The following TCF20 variants were observed in gnomAD, a reference collection of about 807,000 sequenced individuals.
TCF20 encodes the protein transcription factor 20.
TCF20 carries 3 observed loss-of-function variants against 148.6 expected under a neutral mutation model. The ratio of observed to expected loss-of-function variants is 0.02; its 90% CI spans 0.01 to 0.05. TCF20 has a LOEUF of 0.05. Among genes scored for constraint, TCF20 ranks in the 10% least tolerant of loss-of-function variants. TCF20 has a pLI of 1.00. For synonymous variants in TCF20, 1,049 were observed against 909.5 expected, an observed-to-expected ratio of 1.15 and a Z score of -2.76; for missense variants, 2,350 against 2,429.3, an observed-to-expected ratio of 0.97 and a Z score of 0.69.
intron 1 of TCF20, among the ~76,000 whole-genome samples, chr22:42,223,538 A>C (rs1233998142): frequency 6.6e-6 from 1 of 151,780 alleles, no homozygotes; most frequent in Non-Finnish European, 1.5e-5. Context: ...CCTTACCATG[A>C]TCTAAGAAAT....
chr22:42,246,684 T>C (rs1924936809), intron 1 of TCF20, among the ~76,000 whole-genome samples: 2 of 152,176 alleles, frequency 1.3e-5, no homozygotes, highest in Non-Finnish European at 2.9e-5. Flanking sequence ...AAAGGTATAA[T>C]AGGCTGGGCA....
At chr22:42,168,969 G>T (rs1935958052) in intron 4 of TCF20, among the ~76,000 whole-genome samples, 1 of 151,928 alleles carries the variant, frequency 6.6e-6, no homozygotes, top group African/African-American at 2.4e-5. Flanking sequence ...GAGAATATAA[G>T]ATCCTGTGAC....
chr22:42,314,261 G>C (rs1927589969), intron 1 of TCF20, among the ~76,000 whole-genome samples: 1 of 152,388 alleles, frequency 6.6e-6, no homozygotes, highest in East Asian at 1.9e-4. Context: ...TTCCGGATGT[G>C]TGCTCTGGGG....
rs1476125828 is a variant in TCF20 at position 42,213,143 on chromosome 22, G to A, written c.2163C>T (p.Val721=). ...CTGTAGGATACTGAGGAAAGCCACT[G>A]ACATTTCGTGGCACGGCTGACCCGA... The part of the protein sequence containing the change: ...DSFGSAVPRN[V]SGFPQYPTGQ... The change falls in exon 2 of 6, where the codon GTC becomes GTT. Residue 721 remains valine, a synonymous_variant. Transcript: ENST00000677622. 4 of 1,614,024 alleles carry A rather than the reference G, an allele frequency of 2.5e-6. No individual in the cohort carries two copies. Among genetic ancestry groups the A allele is most frequent in the East Asian group, 2.2e-5 (1 of 44,896 alleles).
At chr22:42,294,430 G>A (rs564399536) in intron 1 of TCF20, among the ~76,000 whole-genome samples, 1 of 152,164 alleles carries the variant, frequency 6.6e-6, no homozygotes, top group Admixed American at 6.5e-5. Context: ...CTCCAGGAGC[G>A]GGAGGGAGGC....
chr22:42,322,196 G>A (rs1176265774), intron 1 of TCF20, among the ~76,000 whole-genome samples: 1 of 151,882 alleles, frequency 6.6e-6, no homozygotes, highest in African/African-American at 2.4e-5. Flanking sequence ...AAGGGAGGCA[G>A]AGAATAAAGA....
chr22:42,188,408 C>T (rs538702231), intron 2 of TCF20, among the ~76,000 whole-genome samples: 1 of 150,786 alleles, frequency 6.6e-6, no homozygotes, highest in Admixed American at 6.6e-5. Flanking sequence ...AGTAAAAACA[C>T]CAGACCCATG....
At chr22:42,284,145 G>T (rs770426078), upstream of TCF20, among the ~76,000 whole-genome samples, 38 of 152,126 alleles carry the variant, frequency 2.5e-4, no homozygotes, top group Non-Finnish European at 5.1e-4. Context: ...AGGAGGGAGG[G>T]GAGCACCCGA....
chr22:42,339,332 T>C (rs1008978107), intron 1 of TCF20, among the ~76,000 whole-genome samples: 1 of 152,232 alleles, frequency 6.6e-6, no homozygotes, highest in African/African-American at 2.4e-5. Context: ...TGGACAGATC[T>C]AGAGCCAGGA....
At chr22:42,281,166 T>G (rs945347308) in intron 1 of TCF20, among the ~76,000 whole-genome samples, 14 of 152,124 alleles carry the variant, frequency 9.2e-5, no homozygotes, top group African/African-American at 3.1e-4. Flanking sequence ...CAGCTCAGAA[T>G]GTGGCCTGGG....
At position 42,279,413 on chromosome 22, in the gene TCF20, G is replaced by A. The variant is rs1926851688; in HGVS notation, c.-37+4414C>T. ...AATCACTTGAACCTGGGAGGCAGAG[G>A]TTGCAGTGAGCAGAGATTGCGCCAC... On this transcript the variant is annotated intron_variant, in intron 1 of 5. Transcript: ENST00000359486. This position sits in a 1 kb window ranked among gnomAD's most constrained non-coding sequence, Gnocchi z 4.3. Among the ~76,000 whole-genome samples the A allele has an allele frequency of 1.3e-5, 2 of 152,158 alleles. No individual in the cohort carries two copies. Among genetic ancestry groups the A allele is most frequent in the Non-Finnish European group, 2.9e-5 (2 of 68,020 alleles).
chr22:42,211,123 C>G lies in TCF20; in HGVS notation c.4183G>C (p.Gly1395Arg). 1 of 1,614,204 alleles carries G rather than the reference C, an allele frequency of 6.2e-7. No homozygotes were observed. The highest frequency in any genetic ancestry group is 8.5e-7 in the Non-Finnish European group (1 of 1,180,036). ...GCATCCTGAACAGCAACACTCCCAC[C>G]TTCAGGAGGACCACTCTTCAAAGAC... Reference protein sequence around the residue: ...ILSLKSGPPEGGSVAVQDADI... With the variant: ...ILSLKSGPPERGSVAVQDADI... The change falls in exon 2 of 6, where the codon GGT becomes CGT. Residue 1395 changes from glycine to arginine, a missense_variant. This residue lies in a region of TCF20 where 231 missense variants were observed against 213.7 expected (regional missense o/e 1.08). Coordinates refer to ENST00000677622, the MANE Select transcript of TCF20 (RefSeq NM_001378418.1).
rs1356319222 is a variant in TCF20, at chr22:42,181,159, G to A, written c.5656-1457C>T. Among the ~76,000 whole-genome samples the A allele has an allele frequency of 2.6e-5, 4 of 152,136 alleles. No individual in the cohort carries two copies. The South Asian group carries it at 6.2e-4, about 24-fold the overall frequency. ...GAGAAGGGAGTGTGGGTAGTCCATCGGTGGCCAACCTGCAGCCATGTCTGC... is the reference window on the plus strand; with the variant it reads ...GAGAAGGGAGTGTGGGTAGTCCATCAGTGGCCAACCTGCAGCCATGTCTGC... On this transcript the variant is annotated intron_variant, in intron 2 of 5. Coordinates refer to ENST00000677622, the MANE Select transcript of TCF20 (RefSeq NM_001378418.1).
intron 1 of TCF20, among the ~76,000 whole-genome samples, chr22:42,240,803 C>T (rs1250767739): frequency 6.6e-6 from 1 of 152,102 alleles, no homozygotes; most frequent in Non-Finnish European, 1.5e-5. Flanking sequence ...TAAGCCCTCC[C>T]ATGGACTCAG....
At chr22:42,173,463 G>A (rs1395874345) in intron 3 of TCF20, among the ~76,000 whole-genome samples, 1 of 152,052 alleles carries the variant, frequency 6.6e-6, no homozygotes, top group Non-Finnish European at 1.5e-5. Flanking sequence ...AGTCTTCCCT[G>A]AGACATCAAC....
At chr22:42,232,820 A>C (rs1025938839) in intron 1 of TCF20, among the ~76,000 whole-genome samples, 7 of 151,938 alleles carry the variant, frequency 4.6e-5, no homozygotes, top group African/African-American at 1.7e-4. Context: ...AAAAAAAAAA[A>C]AACTAGTTTG....
At chr22:42,191,092 A>G (rs1442928483) in intron 2 of TCF20, among the ~76,000 whole-genome samples, 1 of 152,206 alleles carries the variant, frequency 6.6e-6, no homozygotes, top group African/African-American at 2.4e-5. Flanking sequence ...AGTTAAATCC[A>G]ATCTATGTCC....
At chr22:42,227,545 T>G (rs1483184847) in intron 1 of TCF20, among the ~76,000 whole-genome samples, 1 of 152,216 alleles carries the variant, frequency 6.6e-6, no homozygotes, top group Non-Finnish European at 1.5e-5. Context: ...ACACTGATAC[T>G]ACACTCTCAA....
At chr22:42,277,497 A>G (rs1452325617) in intron 1 of TCF20, among the ~76,000 whole-genome samples, 1 of 152,212 alleles carries the variant, frequency 6.6e-6, no homozygotes, top group Non-Finnish European at 1.5e-5. Flanking sequence ...GTAGGAAGTA[A>G]CCACATGGTG....
Sources: allele counts gnomAD v4.1 joint callset (sites outside exome capture counted in the v4.1 genomes callset), GRCh38; gene constraint gnomAD v4.1.1; regional missense constraint gnomAD v4.1.1; non-coding constraint Gnocchi (gnomAD v3.1); transcripts MANE v1.5; gene names NCBI Gene and HGNC (gene_info 2026-07-23, HGNC 2026-07-21).